The following EP300 variants were observed in gnomAD, a reference collection of about 807,000 sequenced individuals.
The protein encoded by EP300 is histone acetyltransferase p300.
EP300 carries 31 observed loss-of-function variants against 264.0 expected under a neutral mutation model. That is an observed-to-expected ratio of 0.12 (90% confidence interval 0.09 to 0.16). The LOEUF (loss-of-function observed/expected upper bound fraction) is 0.16. Ranked by LOEUF, EP300 falls within the 10% of genes least tolerant of loss-of-function variation. The pLI is 1.00. For missense variants in EP300, 2,766 were observed against 3,052.9 expected, an observed-to-expected ratio of 0.91 and a Z score of 2.21; for synonymous variants, 1,340 against 1,045.4, an observed-to-expected ratio of 1.28 and a Z score of -5.44.
chr22:41,160,770 G>A (rs1282247439), intron 20 of EP300, 48 bp downstream of exon 20: 1 of 1,526,052 alleles, frequency 6.6e-7, no homozygotes, highest in Non-Finnish European at 9.1e-7. Context: ...TTGTTGTCCA[G>A]TGATTATGCA....
chr22:41,137,355 T>TC (rs1411726489), intron 7 of EP300, among the ~76,000 whole-genome samples: 5 of 16,774 alleles, frequency 3.0e-4, no homozygotes, highest in Admixed American at 9.8e-4. Flanking sequence ...AGACTTTGTC[T>TC]CAAAAAAAAA....
At chr22:41,149,726 G>A (rs1454970763) in intron 13 of EP300, 35 bp from the exon 14 acceptor site, 1 of 1,604,358 alleles carries the variant, frequency 6.2e-7, no homozygotes, top group Non-Finnish European at 8.5e-7. Flanking sequence ...ATTCTGTTCT[G>A]AATTGCTGTC....
At chr22:41,176,225 A>G (rs1220815079) in intron 29 of EP300, 22 bp from the exon 30 acceptor site, 2 of 1,613,976 alleles carry the variant, frequency 1.2e-6, no homozygotes, top group Non-Finnish European at 1.7e-6. Flanking sequence ...GTCTCAAAAA[A>G]AAGAGACTGT....
At chr22:41,140,387 GT>G in intron 9 of EP300, 130 bp downstream of exon 9, 1 of 779,106 alleles carries the variant, frequency 1.3e-6, no homozygotes, top group South Asian at 1.4e-5. Flanking sequence ...CCGTCTTATT[GT>G]CCCCAAGCAT....
intron 4 of EP300, among the ~76,000 whole-genome samples, chr22:41,128,471 C>A (rs1345850687): frequency 3.3e-5 from 5 of 151,736 alleles, no homozygotes; most frequent in Non-Finnish European, 2.9e-5. Flanking sequence ...AAAAAAAAAA[C>A]AGTGTACATA....
In EP300 at chr22:41,093,110, C is replaced by T. The variant is rs376024146; in HGVS notation, c.94+12C>T. 2.6e-5 allele frequency: 42 copies of T among 1,613,366 alleles called. No homozygotes were observed. The African/African-American group carries it at 5.1e-4, about 19-fold the overall frequency. ...CAGCGATGGCACAGGTTAGTTTCGG[C>T]AGCCCCGGCCTTCCACGTTCCCTTT... On this transcript the variant is annotated intron_variant, in intron 1 of 30. Transcript: ENST00000263253.
At chr22:41,150,480 A>G (rs1249120586) in intron 14 of EP300, among the ~76,000 whole-genome samples, 1 of 152,156 alleles carries the variant, frequency 6.6e-6, no homozygotes, top group Non-Finnish European at 1.5e-5. Context: ...CGACAAGGGG[A>G]CACAATCCTT....
chr22:41,162,715 C>T lies in EP300; in HGVS notation c.3672-8C>T, dbSNP rs1409952671. The T allele has an allele frequency of 5.6e-6, 9 of 1,607,562 alleles. No homozygotes were observed. The highest frequency in any genetic ancestry group is 5.0e-5 in the Admixed American group (3 of 59,990). ...CTTTTTCTCATTGTGTCCCTTTTCT[C>T]TCCTTAGTACAATAAATAAAGAACA... On this transcript the variant is annotated splice_polypyrimidine_tract_variant and splice_region_variant and intron_variant, in intron 20 of 30. Coordinates refer to ENST00000263253, the MANE Select transcript of EP300 (RefSeq NM_001429.4).
chr22:41,134,898 T>TTTTCTTTCTTTCTTTCTTTCTTTCTTTC (rs58117147), intron 6 of EP300, among the ~76,000 whole-genome samples: 6 of 151,764 alleles, frequency 4.0e-5, no homozygotes, highest in African/African-American at 1.5e-4. Context: ...AGCATTGCTT[T>TTTTCTTTCTTTCTTTCTTTCTTTCTTTC]TTTCTTTCTT....
At chr22:41,095,765 C>A (rs1173933651) in intron 1 of EP300, among the ~76,000 whole-genome samples, 2 of 151,976 alleles carry the variant, frequency 1.3e-5, no homozygotes, top group Non-Finnish European at 2.9e-5. Context: ...GCACCTAAAA[C>A]TTTTTTAAAA....
At chr22:41,125,244 G>A (rs1187279977) in intron 2 of EP300, among the ~76,000 whole-genome samples, 3 of 146,232 alleles carry the variant, frequency 2.1e-5, no homozygotes, top group East Asian at 2.1e-4. Flanking sequence ...TCAGCCTCCC[G>A]ACTAGCTGGG....
intron 1 of EP300, among the ~76,000 whole-genome samples, chr22:41,109,985 T>C (rs940248769): frequency 6.6e-6 from 1 of 151,844 alleles, no homozygotes. Flanking sequence ...AGCTAATTTT[T>C]GTATTTTTAG....
At position 41,178,837 on chromosome 22, in the gene EP300, C is replaced by G. The variant is rs2059220890; in HGVS notation, c.7126C>G (p.Leu2376Val). The change falls in exon 31 of 31, where the codon CTT becomes GTT. Residue 2376 changes from leucine to valine, a missense_variant. By Grantham distance (32) the Leu-to-Val change is conservative. Transcript: ENST00000263253. The stretch of plus-strand genomic sequence containing the variant: ...GGACCAGAATTCAATGCTTTCTCAG[C>G]TTGCTAGCAATCCAGGCATGGCAAA... Reference protein sequence around the residue: ...SPDQNSMLSQLASNPGMANLH... With the variant: ...SPDQNSMLSQVASNPGMANLH... 1 of 1,614,126 alleles carries G rather than the reference C, an allele frequency of 6.2e-7. No homozygotes were observed. Among genetic ancestry groups the G allele is most frequent in the South Asian group, 1.1e-5 (1 of 91,092 alleles).
intron 10 of EP300, among the ~76,000 whole-genome samples, chr22:41,144,511 G>C (rs138163261): frequency 6.6e-6 from 1 of 151,832 alleles, no homozygotes; most frequent in Admixed American, 6.6e-5. Context: ...ACGCCACCAT[G>C]CCTGGCTAAT....
At chr22:41,172,989 A>G (rs771318888) in intron 28 of EP300, among the ~76,000 whole-genome samples, 6 of 152,214 alleles carry the variant, frequency 3.9e-5, no homozygotes, top group Non-Finnish European at 5.9e-5. Flanking sequence ...TGTGGGTCAC[A>G]TATCTCTGGC....
intron 6 of EP300, among the ~76,000 whole-genome samples, chr22:41,135,363 A>G (rs915274001): frequency 3.9e-5 from 6 of 151,974 alleles, no homozygotes; most frequent in African/African-American, 1.5e-4. Context: ...TTTTCCTCTC[A>G]TTATATTATC....
At chr22:41,130,529 TAAAAAAAACA>T (rs1211043098) in intron 5 of EP300, among the ~76,000 whole-genome samples, 2 of 150,360 alleles carry the variant, frequency 1.3e-5, no homozygotes, top group African/African-American at 4.9e-5. Flanking sequence ...ACCCTGTCTT[TAAAAAAAACA>T]AAACAAAACA....
intron 6 of EP300, among the ~76,000 whole-genome samples, chr22:41,134,326 A>T (rs1271665460): frequency 6.6e-6 from 1 of 151,838 alleles, no homozygotes; most frequent in Admixed American, 6.6e-5. Flanking sequence ...CGCTGTGTGC[A>T]TGTGTGTTTT....
At chr22:41,125,369 C>T (rs1477063629) in intron 2 of EP300, among the ~76,000 whole-genome samples, 3 of 151,752 alleles carry the variant, frequency 2.0e-5, no homozygotes, top group Non-Finnish European at 4.4e-5. Context: ...CCTCCCGCTT[C>T]GGCCTCCCAA....
Sources: gnomAD v4.1 joint callset for allele counts (sites outside exome capture counted in the v4.1 genomes callset) on GRCh38, gnomAD v4.1.1 for gene constraint, MANE v1.5 for transcripts, NCBI Gene and HGNC (gene_info 2026-07-23, HGNC 2026-07-21) for gene names.